Variants in TCF7L1 observed in about 807,000 individuals in gnomAD.
TCF7L1 encodes transcription factor 7-like 1.
TCF7L1 carries 18 observed loss-of-function variants against 63.7 expected under a neutral mutation model. The observed-to-expected ratio is 0.28, with a 90% confidence interval of 0.20 to 0.42. The LOEUF is 0.42. Among genes scored for constraint, TCF7L1 ranks in the 10% least tolerant of loss-of-function variants. The pLI, the probability that TCF7L1 is intolerant of heterozygous loss-of-function variation, is 1.00. For synonymous variants in TCF7L1, 355 were observed against 340.9 expected, an observed-to-expected ratio of 1.04 and a Z score of -0.46; for missense variants, 654 against 779.3, an observed-to-expected ratio of 0.84 and a Z score of 1.91.
rs112142881 is a variant in TCF7L1 at position 85,306,424 on chromosome 2, G to T, written c.1150-28G>T. The T allele has an allele frequency of 3.1e-6, 5 of 1,613,880 alleles. No individual in the cohort carries two copies. Among genetic ancestry groups the T allele is most frequent in the Non-Finnish European group, 4.2e-6 (5 of 1,179,824 alleles). ...GCAGCGTCCCTGCATTGATGGCTCC[G>T]TGTGGTCTCTGACCCTCTCTCCCCC... is the stretch of plus-strand genomic sequence containing the variant. On this transcript the variant is annotated intron_variant, in intron 9 of 11. Coordinates refer to ENST00000282111, the MANE Select transcript of TCF7L1 (RefSeq NM_031283.3). This position sits in a 1 kb window ranked among gnomAD's most constrained non-coding sequence, Gnocchi z 4.3.
chr2:85,134,261 C>T lies in TCF7L1; in HGVS notation c.314-62C>T. 1 of 1,500,630 alleles carries T rather than the reference C, an allele frequency of 6.7e-7. No individual in the cohort carries two copies. 93.0% of individuals were successfully genotyped at this position (1,500,630 alleles called of 1,614,324 possible). On this transcript the variant is annotated intron_variant, in intron 2 of 11. Coordinates refer to ENST00000282111, the MANE Select transcript of TCF7L1 (RefSeq NM_031283.3). This position sits in a 1 kb window ranked among gnomAD's most constrained non-coding sequence, Gnocchi z 5.0. Reference sequence around the variant, plus strand: ...GGTCCCCAGCTCCCGCCTCGAGCCCCCTGCCGCGGCGCTGTCAGTCCCGGG... The same window carrying T: ...GGTCCCCAGCTCCCGCCTCGAGCCCTCTGCCGCGGCGCTGTCAGTCCCGGG...
At chr2:85,175,263 C>G (rs747595831) in intron 3 of TCF7L1, among the ~76,000 whole-genome samples, 2 of 152,204 alleles carry the variant, frequency 1.3e-5, no homozygotes, top group Non-Finnish European at 2.9e-5. Context: ...TGCTTTACCA[C>G]CCCCTGCCCC....
At chr2:85,219,393 A>C (rs746932260) in intron 3 of TCF7L1, among the ~76,000 whole-genome samples, 4 of 152,214 alleles carry the variant, frequency 2.6e-5, no homozygotes, top group Non-Finnish European at 5.9e-5. Context: ...AATCTACTAC[A>C]CATGAGCACA....
intron 3 of TCF7L1, among the ~76,000 whole-genome samples, chr2:85,208,305 G>T (rs1679461780): frequency 6.6e-6 from 1 of 152,130 alleles, no homozygotes; most frequent in Non-Finnish European, 1.5e-5. Flanking sequence ...TTGAGTATGG[G>T]GTACTTTCTA....
intron 3 of TCF7L1, among the ~76,000 whole-genome samples, chr2:85,274,347 C>A (rs1681224619): frequency 6.6e-6 from 1 of 152,206 alleles, no homozygotes. Context: ...GTCCCGGGGT[C>A]CCCCTGGTCA....
intron 3 of TCF7L1, among the ~76,000 whole-genome samples, chr2:85,268,587 G>A (rs925746776): frequency 2.0e-5 from 3 of 151,028 alleles, no homozygotes; most frequent in Non-Finnish European, 2.9e-5. Context: ...GATTACAGGC[G>A]CCCGCCACCA....
At chr2:85,194,877 AC>A (rs1204717298) in intron 3 of TCF7L1, among the ~76,000 whole-genome samples, 1 of 152,228 alleles carries the variant, frequency 6.6e-6, no homozygotes, top group East Asian at 1.9e-4. Context: ...AAGTTTAATC[AC>A]CACAAAAATA....
intron 3 of TCF7L1, among the ~76,000 whole-genome samples, chr2:85,279,641 A>C (rs1308083556): frequency 6.6e-6 from 1 of 152,030 alleles, no homozygotes; most frequent in African/African-American, 2.4e-5. Flanking sequence ...AGGGGCTCCA[A>C]AGTCTTAGAG....
chr2:85,210,317 G>A (rs780864111), intron 3 of TCF7L1, among the ~76,000 whole-genome samples: 10 of 152,220 alleles, frequency 6.6e-5, no homozygotes, highest in African/African-American at 9.7e-5. Flanking sequence ...GCCCAGCACA[G>A]CTATGGCCCC....
chr2:85,222,232 T>C (rs1167091146), intron 3 of TCF7L1, among the ~76,000 whole-genome samples: 1 of 151,844 alleles, frequency 6.6e-6, no homozygotes, highest in African/African-American at 2.4e-5. Context: ...TCCCAGCTAC[T>C]TGGGAGGCTG....
chr2:85,304,585 A>G (rs953766240), intron 7 of TCF7L1, among the ~76,000 whole-genome samples: 5 of 152,098 alleles, frequency 3.3e-5, no homozygotes, highest in African/African-American at 1.2e-4. Context: ...GCCTCCTGCC[A>G]TGGGCTCTGG....
intron 3 of TCF7L1, among the ~76,000 whole-genome samples, chr2:85,187,759 T>A (rs973249922): frequency 6.6e-6 from 1 of 152,200 alleles, no homozygotes; most frequent in Non-Finnish European, 1.5e-5. Flanking sequence ...GGAAGAGAGA[T>A]TCCTTTATTC....
At chr2:85,215,872 A>G (rs1175772707) in intron 3 of TCF7L1, among the ~76,000 whole-genome samples, 1 of 151,850 alleles carries the variant, frequency 6.6e-6, no homozygotes, top group African/African-American at 2.4e-5. Context: ...ATTTCTCTGT[A>G]TTGTTAATGT....
chr2:85,231,735 C>G lies in TCF7L1; in HGVS notation c.442-51760C>G, dbSNP rs193053956. 2.0e-5 allele frequency among the ~76,000 whole-genome samples: 3 copies of G among 152,302 alleles called. No individual in the cohort carries two copies. The East Asian group carries it at 5.8e-4, about 29-fold the overall frequency. Reference sequence around the variant, plus strand: ...GTGTAACTGTCCCTCCCACCATGTCCCCTTCCACACACTATTTCCCACCCC... The same window carrying G: ...GTGTAACTGTCCCTCCCACCATGTCGCCTTCCACACACTATTTCCCACCCC... On this transcript the variant is annotated intron_variant, in intron 3 of 11. Transcript: ENST00000282111.
At chr2:85,173,222 G>C (rs189081834) in intron 3 of TCF7L1, among the ~76,000 whole-genome samples, 4 of 152,276 alleles carry the variant, frequency 2.6e-5, no homozygotes, top group African/African-American at 4.8e-5. Context: ...GGCCTCACCG[G>C]GTGACTGATT....
chr2:85,230,783 G>A (rs1165157052), intron 3 of TCF7L1, among the ~76,000 whole-genome samples: 1 of 152,144 alleles, frequency 6.6e-6, no homozygotes, highest in Non-Finnish European at 1.5e-5. Context: ...TTATTGCGAA[G>A]AACCAGTACT....
At chr2:85,175,831 A>G (rs535806767) in intron 3 of TCF7L1, among the ~76,000 whole-genome samples, 42 of 152,346 alleles carry the variant, frequency 2.8e-4, no homozygotes, top group African/African-American at 9.9e-4. Flanking sequence ...GACTCTCTCA[A>G]TGCTGGCCCT....
intron 3 of TCF7L1, among the ~76,000 whole-genome samples, chr2:85,253,309 GT>G (rs1333739398): frequency 7.4e-6 from 1 of 134,434 alleles, no homozygotes; most frequent in African/African-American, 2.8e-5. Context: ...TGTGATTGTC[GT>G]TTTACCTAAA....
intron 3 of TCF7L1, among the ~76,000 whole-genome samples, chr2:85,274,292 C>G (rs189849549): frequency 2.0e-5 from 3 of 152,196 alleles, no homozygotes; most frequent in Non-Finnish European, 4.4e-5. Flanking sequence ...AATGCGGACT[C>G]GAAAGCAAGT....
Sources: gnomAD v4.1 joint callset for allele counts (sites outside exome capture counted in the v4.1 genomes callset) on GRCh38, gnomAD v4.1.1 for gene constraint, Gnocchi (gnomAD v3.1) non-coding constraint, MANE v1.5 for transcripts, NCBI Gene and HGNC (gene_info 2026-07-23, HGNC 2026-07-21) for gene names.